WIPF2: variants seen among roughly 807,000 people sequenced by gnomAD.
WIPF2 encodes WAS/WASL interacting protein family member 2, also known as WAS/WASL-interacting protein family member 2.
A neutral mutation model predicts 38.8 loss-of-function variants in WIPF2; 23 were observed. The observed-to-expected ratio is 0.59, with a 90% CI of 0.43 to 0.84. WIPF2 has a LOEUF of 0.84. Among genes scored for constraint, WIPF2 ranks in the 40% least tolerant of loss-of-function variants. WIPF2 has a pLI of 0.00. For synonymous variants in WIPF2, 210 were observed against 223.2 expected, an observed-to-expected ratio of 0.94 and a Z score of 0.53; for missense variants, 574 against 580.5, an observed-to-expected ratio of 0.99 and a Z score of 0.11.
At chr17:40,247,539 TG>T (rs1296274176) in intron 1 of WIPF2, among the ~76,000 whole-genome samples, 1 of 151,266 alleles carries the variant, frequency 6.6e-6, no homozygotes, top group African/African-American at 2.4e-5. Context: ...TTACTTTTTT[TG>T]AGACAGAGTC....
At position 40,238,704 on chromosome 17, in the gene WIPF2, C is replaced by T. The variant is rs573740007; in HGVS notation, c.-69-17687C>T. ...CTCGGCTCACTGCAAACCTCCGCCT[C>T]CCGGGTTCAAGCGATTCTCCTGCCT... On this transcript the variant is annotated intron_variant, in intron 1 of 7. Coordinates refer to ENST00000323571, the MANE Select transcript of WIPF2 (RefSeq NM_133264.5). Among the ~76,000 whole-genome samples the T allele has an allele frequency of 3.1e-4, 47 of 152,130 alleles. No homozygotes were observed. The East Asian group carries it at 7.4e-3, about 24-fold the overall frequency.
At chr17:40,267,736 C>G (rs571612017) in intron 5 of WIPF2, among the ~76,000 whole-genome samples, 2 of 152,124 alleles carry the variant, frequency 1.3e-5, no homozygotes, top group African/African-American at 4.8e-5. Flanking sequence ...AACGGGTTTT[C>G]GCCGTGTTGG....
chr17:40,226,667 A>G (rs187279309), intron 1 of WIPF2, among the ~76,000 whole-genome samples: 2 of 152,298 alleles, frequency 1.3e-5, no homozygotes, highest in African/African-American at 2.4e-5. Context: ...TGAGACATTT[A>G]AACTGCTTCT....
chr17:40,223,300 G>T (rs1325722898), intron 1 of WIPF2, among the ~76,000 whole-genome samples: 2 of 151,802 alleles, frequency 1.3e-5, no homozygotes, highest in Non-Finnish European at 2.9e-5. Flanking sequence ...TGTGCCACCT[G>T]GCTAATTTTT....
At chr17:40,241,668 G>A (rs973330073) in intron 1 of WIPF2, among the ~76,000 whole-genome samples, 2 of 152,124 alleles carry the variant, frequency 1.3e-5, no homozygotes, top group Non-Finnish European at 1.5e-5. Context: ...TTGGTGAAAT[G>A]GAAAATTGAC....
At chr17:40,275,519 G>T (rs1400669514) in intron 6 of WIPF2, among the ~76,000 whole-genome samples, 1 of 152,036 alleles carries the variant, frequency 6.6e-6, no homozygotes, top group Non-Finnish European at 1.5e-5. Flanking sequence ...GTCTGTTGAG[G>T]ACCCTTGGAA....
intron 5 of WIPF2, among the ~76,000 whole-genome samples, chr17:40,267,289 G>A (rs770692917): frequency 6.6e-6 from 1 of 152,148 alleles, no homozygotes; most frequent in African/African-American, 2.4e-5. Flanking sequence ...GGCAGGAAGG[G>A]AAGGGTGTAT....
chr17:40,219,368 T>TGGTGGCGGC lies in WIPF2; in HGVS notation c.-192_-191insTGGCGGCGG. The TGGTGGCGGC allele has an allele frequency of 2.6e-6, 1 of 379,542 alleles. No individual in the cohort carries two copies. 23.5% of individuals were successfully genotyped at this position (379,542 alleles called of 1,614,324 possible). A position where few individuals can be genotyped will look rare whatever the true frequency, so the allele number is the denominator to read the frequency against. On this transcript the variant is annotated 5_prime_UTR_variant, in exon 1 of 8. Transcript: ENST00000323571. ...ATTTCCGGGTTGGCAAAAGGGGCGG[T>TGGTGGCGGC]GGCGGCGGCGGCGGCGGCGGCGGCG...
chr17:40,235,939 G>C lies in WIPF2; in HGVS notation c.-70+16447G>C, dbSNP rs540995422. On this transcript the variant is annotated intron_variant, in intron 1 of 7. Transcript: ENST00000323571. ...TTACCTCCTTTCTTCCTTCACACTT[G>C]GCAGTTTGACTGGATTAAAAAAATT... is the stretch of plus-strand genomic sequence containing the variant. 8.1e-4 allele frequency among the ~76,000 whole-genome samples: 123 copies of C among 151,266 alleles called. 2 individuals carry two copies. Among genetic ancestry groups the C allele is most frequent in the South Asian group, 5.4e-3 (26 of 4,776 alleles).
chr17:40,224,375 C>T (rs1369776080), intron 1 of WIPF2, among the ~76,000 whole-genome samples: 9 of 148,682 alleles, frequency 6.1e-5, no homozygotes, highest in African/African-American at 1.7e-4. Context: ...GGACTACAGG[C>T]GCCTGCCACC....
chr17:40,263,932 A>G (rs772111670), intron 4 of WIPF2, among the ~76,000 whole-genome samples: 5 of 152,188 alleles, frequency 3.3e-5, no homozygotes, highest in African/African-American at 1.2e-4. Context: ...CAACGTATAC[A>G]TATAACGAGA....
intron 6 of WIPF2, among the ~76,000 whole-genome samples, chr17:40,276,254 C>T (rs946963548): frequency 6.6e-6 from 1 of 152,108 alleles, no homozygotes; most frequent in Non-Finnish European, 1.5e-5. Context: ...TTGGCTGGGC[C>T]TGGTGGCTTA....
Position 40,280,433 on chromosome 17 carries a change from C to CACT in WIPF2, c.*2208_*2209insACT. 6.5e-6 allele frequency: 1 copy of CACT among 153,182 alleles called. No homozygotes were observed. Among genetic ancestry groups the CACT allele is most frequent in the Admixed American group, 6.5e-5 (1 of 15,300 alleles). 9.5% of individuals were successfully genotyped at this position (153,182 alleles called of 1,614,324 possible). A position where few individuals can be genotyped will look rare whatever the true frequency, so the allele number is the denominator to read the frequency against. ...GCAGTGAGTGGAGATGGCGCCACTG[C>CACT]GCTCCAGCCCGGGTGACAGAGTGAA... On this transcript the variant is annotated 3_prime_UTR_variant, in exon 8 of 8. Coordinates refer to ENST00000323571, the MANE Select transcript of WIPF2 (RefSeq NM_133264.5).
intron 1 of WIPF2, among the ~76,000 whole-genome samples, chr17:40,250,119 A>G (rs1313842396): frequency 6.7e-6 from 1 of 148,916 alleles, no homozygotes; most frequent in Non-Finnish European, 1.5e-5. Flanking sequence ...GGCCTGAGCC[A>G]CCCTGCTGGA....
chr17:40,246,314 G>C (rs1304914480), intron 1 of WIPF2, among the ~76,000 whole-genome samples: 2 of 151,796 alleles, frequency 1.3e-5, no homozygotes, highest in Admixed American at 1.3e-4. Context: ...TCGAACTCCA[G>C]ACCTTAAGTG....
At chr17:40,260,763 A>C in intron 3 of WIPF2, 96 bp downstream of exon 3, 1 of 1,537,406 alleles carries the variant, frequency 6.5e-7, no homozygotes. Context: ...CTTGAGTGGG[A>C]GAGTTTTGTC....
chr17:40,274,559 A>G (rs1567725837), intron 6 of WIPF2, among the ~76,000 whole-genome samples: 1 of 100,376 alleles, frequency 1.0e-5, no homozygotes, highest in African/African-American at 4.3e-5. Context: ...GAATTCTTGA[A>G]AAAAAAAAAA....
chr17:40,276,840 T>G (rs576497535), intron 6 of WIPF2, among the ~76,000 whole-genome samples: 9 of 152,050 alleles, frequency 5.9e-5, no homozygotes, highest in East Asian at 1.9e-4. Context: ...AATAAATAAA[T>G]AAAGAATGGG....
intron 1 of WIPF2, among the ~76,000 whole-genome samples, chr17:40,255,219 A>G (rs989205587): frequency 6.6e-6 from 1 of 152,176 alleles, no homozygotes; most frequent in Non-Finnish European, 1.5e-5. Flanking sequence ...CCAGCCAGGC[A>G]TGGTGGCTCA....
Sources: allele counts gnomAD v4.1 joint callset (sites outside exome capture counted in the v4.1 genomes callset), GRCh38; gene constraint gnomAD v4.1.1; transcripts MANE v1.5; gene names NCBI Gene and HGNC (gene_info 2026-07-23, HGNC 2026-07-21).